Variants in FAM178B observed in about 807,000 individuals in gnomAD.
The protein encoded by FAM178B is family with sequence similarity 178 member B.
In FAM178B, 82 loss-of-function variants were observed where a neutral mutation model predicts 91.7. The observed-to-expected ratio is 0.89, with a 90% confidence interval of 0.75 to 1.07. FAM178B has a LOEUF of 1.07. FAM178B is among the 50% of genes least tolerant of loss of function. The probability of loss-of-function intolerance (pLI) is 0.00; values close to 1 mark genes in which losing one functional copy is unlikely to be tolerated. For synonymous variants in FAM178B, 368 were observed against 359.4 expected (o/e 1.02, Z -0.27); for missense variants, 769 against 846.7 (o/e 0.91, Z 1.14).
At chr2:96,910,082 G>C (rs1473933826) in intron 12 of FAM178B, among the ~76,000 whole-genome samples, 1 of 152,210 alleles carries the variant, frequency 6.6e-6, no homozygotes, top group Non-Finnish European at 1.5e-5. Flanking sequence ...GTCCTCTCTG[G>C]AGTATGATTC....
intron 12 of FAM178B, among the ~76,000 whole-genome samples, chr2:96,904,266 G>C (rs978707214): frequency 2.0e-5 from 3 of 152,156 alleles, no homozygotes; most frequent in African/African-American, 4.8e-5. Flanking sequence ...CCTACGGGGG[G>C]GTGTTGTGAT....
chr2:96,899,175 C>G (rs1429991610), intron 13 of FAM178B, among the ~76,000 whole-genome samples: 1 of 152,248 alleles, frequency 6.6e-6, no homozygotes, highest in Non-Finnish European at 1.5e-5. Flanking sequence ...CTTCCTATCC[C>G]TCCAGTCGCC....
At chr2:96,931,101 T>C (rs577034811) in intron 8 of FAM178B, among the ~76,000 whole-genome samples, 17 of 152,338 alleles carry the variant, frequency 1.1e-4, no homozygotes, top group Non-Finnish European at 1.6e-4. Flanking sequence ...TAAGATGGGC[T>C]GGCAGTATCC....
At position 96,914,432 on chromosome 2, in the gene FAM178B, G is replaced by A. The variant is rs187365430; in HGVS notation, c.1562+6733C>T. On this transcript the variant is annotated intron_variant, in intron 12 of 16. Transcript: ENST00000490605. Reference sequence around the variant, plus strand: ...GAAGAGCAGAGGGCAGGGCCACACCGCAAAGGGGCCTTAGCGGCCACCTTA... The same window carrying A: ...GAAGAGCAGAGGGCAGGGCCACACCACAAAGGGGCCTTAGCGGCCACCTTA... Among the ~76,000 whole-genome samples the A allele has an allele frequency of 2.3e-3, 349 of 152,304 alleles. 11 individuals are homozygous for A. In the East Asian group the frequency reaches 0.04, roughly 18 times the overall value.
chr2:96,878,814 G>A (rs2080309148), intron 14 of FAM178B, among the ~76,000 whole-genome samples: 2 of 152,224 alleles, frequency 1.3e-5, no homozygotes. Flanking sequence ...CTTGTGCTGG[G>A]GCAGCAGAAC....
intron 5 of FAM178B, among the ~76,000 whole-genome samples, chr2:96,967,310 G>A (rs2082155276): frequency 6.6e-6 from 1 of 152,232 alleles, no homozygotes; most frequent in South Asian, 2.1e-4. Flanking sequence ...TGTGGCAAAG[G>A]CTCAAATGAG....
At chr2:96,928,974 A>AC (rs57641223) in intron 9 of FAM178B, among the ~76,000 whole-genome samples, 3,578 of 144,198 alleles carry the variant, frequency 0.025, 71 homozygotes, top group African/African-American at 0.053. Flanking sequence ...ACGTAGGGAG[A>AC]CCCCCCCCCG....
At chr2:96,914,397 A>G (rs1353594745) in intron 12 of FAM178B, among the ~76,000 whole-genome samples, 3 of 152,288 alleles carry the variant, frequency 2.0e-5, no homozygotes, top group Admixed American at 2.0e-4. Flanking sequence ...CACCGCAGGG[A>G]CAGGGAGAAG....
chr2:96,885,525 G>A (rs1332571313), intron 14 of FAM178B, among the ~76,000 whole-genome samples: 2 of 152,250 alleles, frequency 1.3e-5, no homozygotes, highest in Non-Finnish European at 2.9e-5. Flanking sequence ...GGCTGGGGAG[G>A]GAAAGAGATG....
intron 13 of FAM178B, among the ~76,000 whole-genome samples, chr2:96,894,483 C>T (rs993046773): frequency 2.3e-5 from 3 of 130,240 alleles, no homozygotes; most frequent in African/African-American, 5.9e-5. Context: ...CCCACATCCA[C>T]ACCCACCCAT....
intron 13 of FAM178B, chr2:96,897,840 G>T (rs2080852614): frequency 2.4e-6 from 1 of 425,502 alleles, no homozygotes; most frequent in Non-Finnish European, 3.1e-6. Context: ...CCTTGCAGGG[G>T]CTCCCCACTT....
intron 14 of FAM178B, among the ~76,000 whole-genome samples, chr2:96,881,732 T>C (rs1251555372): frequency 1.1e-5 from 1 of 92,666 alleles, no homozygotes; most frequent in Non-Finnish European, 2.1e-5. Context: ...TAATTGAATC[T>C]GCAGGGGGCA....
At chr2:96,903,023 C>T (rs989814317) in intron 12 of FAM178B, among the ~76,000 whole-genome samples, 4 of 150,996 alleles carry the variant, frequency 2.6e-5, no homozygotes, top group Non-Finnish European at 5.9e-5. Flanking sequence ...GGCAGCAGCA[C>T]TGAACTGCTT....
intron 12 of FAM178B, among the ~76,000 whole-genome samples, chr2:96,912,466 CCCTGAGGGCA>C (rs1328275574): frequency 6.6e-6 from 1 of 151,746 alleles, no homozygotes; most frequent in Admixed American, 6.6e-5. Context: ...GGAGGGGTAT[CCCTGAGGGCA>C]GCTGAGGAAG....
chr2:96,978,976 T>C (rs13003826), intron 1 of FAM178B, among the ~76,000 whole-genome samples: 238 of 2,792 alleles, frequency 0.085, 30 homozygotes, highest in Non-Finnish European at 0.11. Context: ...ATGTATCACT[T>C]TTTTTTTTTT....
intron 6 of FAM178B, chr2:96,952,049 T>C (rs2081936516): frequency 6.5e-6 from 1 of 154,110 alleles, no homozygotes; most frequent in Non-Finnish European, 1.4e-5. Context: ...GGTGGGGCAG[T>C]GCAGTCTGCC....
At chr2:96,889,772 A>G (rs1054159154) in intron 14 of FAM178B, among the ~76,000 whole-genome samples, 2 of 151,850 alleles carry the variant, frequency 1.3e-5, no homozygotes, top group African/African-American at 4.8e-5. Flanking sequence ...AAGAAATGAT[A>G]AGGAAGTGTG....
chr2:96,882,875 G>A (rs530944492), intron 14 of FAM178B, among the ~76,000 whole-genome samples: 1 of 152,218 alleles, frequency 6.6e-6, no homozygotes, highest in Admixed American at 6.5e-5. Context: ...ATGGGACCCC[G>A]GAAACCTCAG....
At chr2:96,967,430 C>T (rs2153375438) in intron 5 of FAM178B, 90 bp downstream of exon 5, 2 of 722,084 alleles carry the variant, frequency 2.8e-6, no homozygotes, top group South Asian at 3.2e-5. Flanking sequence ...ATCACTGTAC[C>T]ATGTTGGTCA....
Sources: allele counts gnomAD v4.1 joint callset (sites outside exome capture counted in the v4.1 genomes callset), GRCh38; gene constraint gnomAD v4.1.1; transcripts MANE v1.5; gene names NCBI Gene and HGNC (gene_info 2026-07-23, HGNC 2026-07-21).